The following TFEC variants were observed in gnomAD, a reference collection of about 807,000 sequenced individuals.
The protein encoded by TFEC is class E basic helix-loop-helix protein 34.
TFEC carries 31 observed loss-of-function variants against 41.6 expected under a neutral mutation model. The observed-to-expected ratio is 0.74, with a 90% CI of 0.56 to 1.01. The LOEUF (loss-of-function observed/expected upper bound fraction) is 1.01. Among genes scored for constraint, TFEC ranks in the 50% least tolerant of loss-of-function variants. The pLI is 0.00. For synonymous variants in TFEC, 143 were observed against 140.6 expected, an observed-to-expected ratio of 1.02 and a Z score of -0.12; for missense variants, 402 against 404.1, an observed-to-expected ratio of 0.99 and a Z score of 0.04.
At chr7:116,073,811 T>C (rs1648616426) in intron 3 of TFEC, among the ~76,000 whole-genome samples, 1 of 151,910 alleles carries the variant, frequency 6.6e-6, no homozygotes, top group Non-Finnish European at 1.5e-5. Context: ...TGGACTACAA[T>C]AGAAATCCAG....
chr7:116,061,079 T>C (rs1027693641), intron 3 of TFEC, among the ~76,000 whole-genome samples: 8 of 152,092 alleles, frequency 5.3e-5, no homozygotes, highest in African/African-American at 1.7e-4. Flanking sequence ...AGCATCTCAA[T>C]AGAAATCCAA....
At chr7:116,032,474 A>C (rs1191447672), upstream of TFEC, among the ~76,000 whole-genome samples, 3 of 152,200 alleles carry the variant, frequency 2.0e-5, no homozygotes, top group African/African-American at 4.8e-5. Flanking sequence ...AATGTGGTAC[A>C]TATACATCAC....
At chr7:115,991,657 T>C (rs550823952) in intron 1 of TFEC, among the ~76,000 whole-genome samples, 24 of 152,192 alleles carry the variant, frequency 1.6e-4, no homozygotes, top group Non-Finnish European at 3.4e-4. Flanking sequence ...AAGGGATCAA[T>C]TTAACAAGAA....
chr7:116,132,241 T>C (rs1369393130), intron 1 of TFEC, among the ~76,000 whole-genome samples: 1 of 152,192 alleles, frequency 6.6e-6, no homozygotes, highest in African/African-American at 2.4e-5. Flanking sequence ...GGAAATCCCC[T>C]AACTCTACCA....
At chr7:116,032,824 G>A (rs989161511), upstream of TFEC, among the ~76,000 whole-genome samples, 1 of 152,014 alleles carries the variant, frequency 6.6e-6, no homozygotes, top group African/African-American at 2.4e-5. Context: ...ATGTATCACT[G>A]AACTTAAAAT....
At chr7:116,003,599 T>A (rs1159660424) in intron 1 of TFEC, among the ~76,000 whole-genome samples, 1 of 152,038 alleles carries the variant, frequency 6.6e-6, no homozygotes, top group African/African-American at 2.4e-5. Flanking sequence ...AAAATCAGTA[T>A]GGAGATAGTT....
At chr7:116,093,515 C>T (rs1797376219) in intron 3 of TFEC, among the ~76,000 whole-genome samples, 1 of 152,102 alleles carries the variant, frequency 6.6e-6, no homozygotes, top group South Asian at 2.1e-4. Flanking sequence ...ATATGACTAA[C>T]CTGTTAAATG....
At chr7:116,146,747 G>A (rs1170963724) in intron 1 of TFEC, among the ~76,000 whole-genome samples, 1 of 152,090 alleles carries the variant, frequency 6.6e-6, no homozygotes, top group Non-Finnish European at 1.5e-5. Flanking sequence ...GGAGAACCAA[G>A]ATTTAAACTA....
At chr7:116,122,105 C>A (rs926894201) in intron 1 of TFEC, among the ~76,000 whole-genome samples, 1 of 151,968 alleles carries the variant, frequency 6.6e-6, no homozygotes, top group Admixed American at 6.6e-5. Context: ...ATTGTTGTTA[C>A]AATTGCAAGG....
chr7:115,954,320 A>G (rs1207806162), intron 5 of TFEC, among the ~76,000 whole-genome samples: 31 of 152,116 alleles, frequency 2.0e-4, no homozygotes, highest in Non-Finnish European at 8.8e-5. Flanking sequence ...ATTCAAATGT[A>G]ACCAAATGCA....
At chr7:116,037,856 C>T (rs1584434718) in intron 3 of TFEC, among the ~76,000 whole-genome samples, 1 of 152,078 alleles carries the variant, frequency 6.6e-6, no homozygotes, top group East Asian at 1.9e-4. Flanking sequence ...GTTATTATGT[C>T]CTTAACAAGA....
intron 6 of TFEC, among the ~76,000 whole-genome samples, chr7:115,944,602 G>C (rs949870425): frequency 1.3e-5 from 2 of 151,536 alleles, no homozygotes; most frequent in African/African-American, 4.8e-5. Flanking sequence ...TCAGGTATTA[G>C]CTTTTATTTC....
At chr7:115,987,324 G>A (rs1793904917) in intron 1 of TFEC, among the ~76,000 whole-genome samples, 1 of 152,080 alleles carries the variant, frequency 6.6e-6, no homozygotes, top group South Asian at 2.1e-4. Flanking sequence ...TCAGAACAAC[G>A]GGATAACTCA....
intron 1 of TFEC, among the ~76,000 whole-genome samples, chr7:116,158,642 ATATAT>A (rs912649201): frequency 6.6e-6 from 1 of 152,128 alleles, no homozygotes; most frequent in Non-Finnish European, 1.5e-5. Flanking sequence ...AAGTACAAAA[ATATAT>A]TATGAAGTTT....
intron 3 of TFEC, among the ~76,000 whole-genome samples, chr7:116,047,720 C>A (rs1039220199): frequency 1.3e-5 from 2 of 152,112 alleles, no homozygotes; most frequent in Non-Finnish European, 2.9e-5. Flanking sequence ...GGTCCCTGAC[C>A]CTCAAGTAGC....
chr7:116,116,278 G>T (rs558807622), intron 1 of TFEC, among the ~76,000 whole-genome samples: 1 of 151,962 alleles, frequency 6.6e-6, no homozygotes, highest in South Asian at 2.1e-4. Flanking sequence ...GCTTGGAGAA[G>T]AAAAGAAGTA....
At chr7:115,966,733 AG>A (rs746611131) in intron 3 of TFEC, among the ~76,000 whole-genome samples, 2 of 151,722 alleles carry the variant, frequency 1.3e-5, no homozygotes, top group African/African-American at 2.4e-5. Flanking sequence ...TGCTAAAAAA[AG>A]TTACAAGGCA....
At chr7:116,127,245 G>A (rs1456503292) in intron 1 of TFEC, among the ~76,000 whole-genome samples, 1 of 151,834 alleles carries the variant, frequency 6.6e-6, no homozygotes, top group Non-Finnish European at 1.5e-5. Context: ...ACAGGCACCC[G>A]CCACCACGCC....
chr7:116,136,082 C>A (rs1451107226), intron 1 of TFEC, among the ~76,000 whole-genome samples: 2 of 151,970 alleles, frequency 1.3e-5, no homozygotes, highest in South Asian at 4.1e-4. Context: ...CCAATCCTTT[C>A]TATATGTTTC....
Sources: allele counts gnomAD v4.1 joint callset (sites outside exome capture counted in the v4.1 genomes callset), GRCh38; gene constraint gnomAD v4.1.1; transcripts MANE v1.5; gene names NCBI Gene and HGNC (gene_info 2026-07-23, HGNC 2026-07-21).